ANKS1B: variants seen among roughly 807,000 people sequenced by gnomAD.
ANKS1B encodes ankyrin repeat and sterile alpha motif domain containing 1B, also known as ankyrin repeat and sterile alpha motif domain-containing protein 1B.
In ANKS1B, 36 loss-of-function variants were observed where a neutral mutation model predicts 148.3. The observed-to-expected ratio is 0.24, with a 90% CI of 0.19 to 0.32. The LOEUF (loss-of-function observed/expected upper bound fraction) is 0.32. Ranked by LOEUF, ANKS1B falls within the 10% of genes least tolerant of loss-of-function variation. ANKS1B has a pLI of 1.00. For missense variants in ANKS1B, 1,157 were observed against 1,542.6 expected, an observed-to-expected ratio of 0.75 and a Z score of 4.19; for synonymous variants, 542 against 560.8, an observed-to-expected ratio of 0.97 and a Z score of 0.47.
chr12:98,963,729 G>C (rs929882018), intron 17 of ANKS1B, among the ~76,000 whole-genome samples: 2 of 152,140 alleles, frequency 1.3e-5, no homozygotes, highest in Admixed American at 6.6e-5. Context: ...CATTTAATGG[G>C]AGAAAATATT....
At chr12:99,905,818 T>C (rs1359383394) in intron 1 of ANKS1B, among the ~76,000 whole-genome samples, 1 of 152,164 alleles carries the variant, frequency 6.6e-6, no homozygotes, top group Non-Finnish European at 1.5e-5. Flanking sequence ...AATAACCCCA[T>C]TTTAACTTAA....
intron 1 of ANKS1B, among the ~76,000 whole-genome samples, chr12:99,952,088 G>A (rs1016167172): frequency 7.9e-5 from 12 of 152,118 alleles, no homozygotes; most frequent in Non-Finnish European, 1.3e-4. Context: ...AATAACAGTA[G>A]AAGAAAAAAT....
At position 99,017,064 on chromosome 12, in the gene ANKS1B, T is replaced by TA. The variant is rs554509287; in HGVS notation, c.2778+36092dup. On this transcript the variant is annotated intron_variant, in intron 17 of 26. Transcript: ENST00000683438. ...CATTGTATTTGATGGGGTTGAGAAA[T>TA]AAAAAAAAAATTCTAGGCTCCTAAC... 6.7e-5 allele frequency among the ~76,000 whole-genome samples: 10 copies of TA among 150,002 alleles called. No homozygotes were observed. The East Asian group carries it at 1.4e-3, about 20-fold the overall frequency.
intron 10 of ANKS1B, among the ~76,000 whole-genome samples, chr12:99,482,528 A>G (rs1031809460): frequency 2.0e-5 from 3 of 152,018 alleles, no homozygotes; most frequent in African/African-American, 7.2e-5. Context: ...TTGTGGTTCC[A>G]TATGAATTTT....
intron 17 of ANKS1B, among the ~76,000 whole-genome samples, chr12:99,027,617 G>C (rs2099949526): frequency 6.6e-6 from 1 of 152,198 alleles, no homozygotes; most frequent in African/African-American, 2.4e-5. Context: ...CAACTCCATG[G>C]ATGAGAAATT....
chr12:99,761,419 A>G (rs2153607906), intron 8 of ANKS1B, among the ~76,000 whole-genome samples: 1 of 152,244 alleles, frequency 6.6e-6, no homozygotes, highest in Non-Finnish European at 1.5e-5. Context: ...GGGATTTACC[A>G]CATAAGCAGA....
intron 22 of ANKS1B, among the ~76,000 whole-genome samples, chr12:98,787,483 T>C (rs1175390439): frequency 2.0e-5 from 3 of 152,198 alleles, no homozygotes; most frequent in Admixed American, 1.3e-4. Context: ...CATTGAGCCC[T>C]ATGAAGTAGC....
chr12:99,604,360 A>G (rs117814568), intron 9 of ANKS1B, among the ~76,000 whole-genome samples: 2,445 of 152,172 alleles, frequency 0.016, 50 homozygotes, highest in Non-Finnish European at 0.021. Flanking sequence ...CAAATAAGCC[A>G]ACTGGCTTAT....
At chr12:99,598,309 C>T (rs1672891584) in intron 9 of ANKS1B, among the ~76,000 whole-genome samples, 1 of 152,002 alleles carries the variant, frequency 6.6e-6, no homozygotes. Context: ...AGTGAAGAGA[C>T]AGTCATAAAT....
chr12:99,681,687 A>G (rs1219160852), intron 8 of ANKS1B, among the ~76,000 whole-genome samples: 1 of 152,224 alleles, frequency 6.6e-6, no homozygotes, highest in Non-Finnish European at 1.5e-5. Flanking sequence ...GAATCTGAAT[A>G]GCAGCTCTTT....
intron 8 of ANKS1B, among the ~76,000 whole-genome samples, chr12:99,677,628 A>T (rs536809178): frequency 6.6e-6 from 1 of 152,330 alleles, no homozygotes; most frequent in Admixed American, 6.5e-5. Flanking sequence ...TCAAATCTCC[A>T]GCTGCTTATG....
At chr12:98,769,441 T>C (rs1213754816) in intron 25 of ANKS1B, among the ~76,000 whole-genome samples, 1 of 152,126 alleles carries the variant, frequency 6.6e-6, no homozygotes, top group African/African-American at 2.4e-5. Flanking sequence ...GGAGGATCTG[T>C]GTAAGATGAA....
intron 20 of ANKS1B, among the ~76,000 whole-genome samples, chr12:98,802,793 T>C (rs1283332075): frequency 6.6e-6 from 1 of 151,904 alleles, no homozygotes; most frequent in East Asian, 1.9e-4. Flanking sequence ...TCAGCCACTC[T>C]CCACATTAGT....
chr12:99,830,947 A>G (rs2083900101), intron 1 of ANKS1B, among the ~76,000 whole-genome samples: 1 of 152,124 alleles, frequency 6.6e-6, no homozygotes, highest in African/African-American at 2.4e-5. Context: ...CTCAAATGTC[A>G]TCTCTTCGGA....
intron 12 of ANKS1B, among the ~76,000 whole-genome samples, chr12:99,362,755 G>A (rs184384519): frequency 4.2e-4 from 64 of 151,960 alleles, no homozygotes; most frequent in Admixed American, 9.2e-4. Context: ...CTTAATAAAC[G>A]CAGTCAAGTT....
chr12:99,487,946 T>C (rs2096515404), intron 10 of ANKS1B, among the ~76,000 whole-genome samples: 2 of 152,200 alleles, frequency 1.3e-5, no homozygotes, highest in South Asian at 4.1e-4. Context: ...TGTAGATTTC[T>C]GTTTCTCAAA....
At chr12:99,601,009 A>G (rs1191050525) in intron 9 of ANKS1B, among the ~76,000 whole-genome samples, 4 of 152,086 alleles carry the variant, frequency 2.6e-5, no homozygotes, top group Non-Finnish European at 5.9e-5. Flanking sequence ...TGCTGGGACC[A>G]TGCCAGATAG....
At chr12:99,935,998 G>A (rs1439469013) in intron 1 of ANKS1B, among the ~76,000 whole-genome samples, 1 of 152,184 alleles carries the variant, frequency 6.6e-6, no homozygotes, top group Admixed American at 6.5e-5. Flanking sequence ...AGGGCAGCAG[G>A]AGAAAGAATG....
chr12:99,577,183 T>C (rs1275977607), intron 9 of ANKS1B, among the ~76,000 whole-genome samples: 1 of 151,850 alleles, frequency 6.6e-6, no homozygotes, highest in Non-Finnish European at 1.5e-5. Context: ...TCTGAGTTTT[T>C]TTTACCCAGT....
Sources: gnomAD v4.1 joint callset for allele counts (sites outside exome capture counted in the v4.1 genomes callset) on GRCh38, gnomAD v4.1.1 for gene constraint, MANE v1.5 for transcripts, NCBI Gene and HGNC (gene_info 2026-07-23, HGNC 2026-07-21) for gene names.